The following SPRY3 variants were observed in gnomAD, a reference collection of about 807,000 sequenced individuals.
The protein encoded by SPRY3 is sprouty RTK signaling antagonist 3.
SPRY3 carries 15 observed loss-of-function variants against 20.2 expected under a neutral mutation model. The observed-to-expected ratio is 0.74, with a 90% confidence interval of 0.50 to 1.14. The LOEUF (loss-of-function observed/expected upper bound fraction) is 1.14, where lower values mean the gene tolerates loss of function less well. Among genes scored for constraint, SPRY3 ranks in the 50% most tolerant of loss-of-function variants. SPRY3 has a pLI of 0.00. For missense variants in SPRY3, 364 were observed against 363.9 expected, an observed-to-expected ratio of 1.00 and a Z score of 0.00; for synonymous variants, 143 against 136.5, an observed-to-expected ratio of 1.05 and a Z score of -0.33.
At chrX:155,624,509 T>TTATC (rs782449458) in intron 1 of SPRY3, among the ~76,000 whole-genome samples, 393 of 93,401 alleles carry the variant, frequency 4.2e-3, no homozygotes, top group African/African-American at 0.015. Context: ...TATCATCTAT[T>TTATC]TATCTATCAT....
chrX:155,771,265 C>T (rs1283518788), intron 3 of SPRY3, among the ~76,000 whole-genome samples: 3 of 152,150 alleles, frequency 2.0e-5, no homozygotes, highest in Non-Finnish European at 4.4e-5. Flanking sequence ...ACATAATTCT[C>T]ATTATTGTTT....
intron 3 of SPRY3, among the ~76,000 whole-genome samples, chrX:155,769,198 T>C (rs1442484942): frequency 1.3e-5 from 2 of 152,202 alleles, no homozygotes; most frequent in Non-Finnish European, 2.9e-5. Flanking sequence ...TGTTTTTAGG[T>C]CTCTCTAGCT....
chrX:155,666,641 A>G (rs782738290), intron 2 of SPRY3, among the ~76,000 whole-genome samples: 2 of 111,859 alleles, frequency 1.8e-5, no homozygotes, highest in South Asian at 3.7e-4. Flanking sequence ...ATTGCTAACA[A>G]TGGTAACAAC....
intron 2 of SPRY3, chrX:155,767,720 A>AAGAGGAGAAGGAGGAGAG (rs2091345614): frequency 4.7e-5 from 3 of 64,458 alleles, no homozygotes; most frequent in African/African-American, 1.9e-4. Flanking sequence ...GAGGAGGAGA[A>AAGAGGAGAAGGAGGAGAG]AGAGGAGGAG....
chrX:155,699,096 C>G (rs1438664632), intron 2 of SPRY3, among the ~76,000 whole-genome samples: 1 of 111,894 alleles, frequency 8.9e-6, no homozygotes, highest in Non-Finnish European at 1.9e-5. Context: ...ATAAGACAAA[C>G]AGATTGGAAA....
exon 2 of SPRY3, chrX:155,782,391 C>A (rs1348405704): frequency 6.0e-6 from 1 of 166,912 alleles, no homozygotes; most frequent in African/African-American, 2.4e-5. Flanking sequence ...AGGGCCACTT[C>A]TACCCCCCTA....
chrX:155,741,168 G>A (rs2091202921), intron 2 of SPRY3, among the ~76,000 whole-genome samples: 1 of 152,100 alleles, frequency 6.6e-6, no homozygotes, highest in South Asian at 2.1e-4. Flanking sequence ...ATGACGTGAT[G>A]GAGCTGAAAA....
rs1043397075 is a variant in SPRY3, at chrX:155,691,604, A to G, written c.-282+34579A>G. Among the ~76,000 whole-genome samples, 2 of 88,248 alleles carry G rather than the reference A, an allele frequency of 2.3e-5. 1 individual carries two copies. Among genetic ancestry groups the G allele is most frequent in the Admixed American group, 2.4e-4 (2 of 8,219 alleles). The allele number at this position is 88,248 out of a possible 115,157, so 76.6% of individuals were successfully genotyped here. A position where few individuals can be genotyped will look rare whatever the true frequency, so the allele number is the denominator to read the frequency against. ...AAGAGGGTGTTTGTGTAAAATTAAA[A>G]GAGTGCTGGCAGTGAGCTGCACTTT... On this transcript the variant is annotated intron_variant, in intron 2 of 3. Coordinates refer to ENST00000675360, the Ensembl canonical transcript of SPRY3.
intron 2 of SPRY3, among the ~76,000 whole-genome samples, chrX:155,740,993 A>G (rs2091202095): frequency 6.6e-6 from 1 of 152,134 alleles, no homozygotes; most frequent in Admixed American, 6.6e-5. Context: ...CTTATGGAAA[A>G]TAGAAAGAAC....
At chrX:155,629,616 CCCACCAACAGTGTAAAAGCGTT>C (rs1342073327) in intron 1 of SPRY3, among the ~76,000 whole-genome samples, 3 of 111,699 alleles carry the variant, frequency 2.7e-5, no homozygotes, top group African/African-American at 9.8e-5. Flanking sequence ...AGTTTACAGT[CCCACCAACAGTGTAAAAGCGTT>C]CCTATTTCTC....
At chrX:155,714,437 G>A (rs1183060648) in intron 2 of SPRY3, among the ~76,000 whole-genome samples, 2 of 152,160 alleles carry the variant, frequency 1.3e-5, no homozygotes, top group Non-Finnish European at 2.9e-5. Flanking sequence ...CACCGTGGTG[G>A]TCTTAGATAA....
chrX:155,728,791 C>T (rs1330886729), intron 2 of SPRY3, among the ~76,000 whole-genome samples: 3 of 152,106 alleles, frequency 2.0e-5, no homozygotes, highest in Non-Finnish European at 4.4e-5. Context: ...CCCTGCCCTG[C>T]TTTGACTCGC....
At chrX:155,759,636 T>C (rs2091296587) in intron 2 of SPRY3, among the ~76,000 whole-genome samples, 1 of 152,182 alleles carries the variant, frequency 6.6e-6, no homozygotes, top group Admixed American at 6.5e-5. Flanking sequence ...TCAATATATG[T>C]TTGCTGATTG....
chrX:155,748,166 G>C (rs993446772), intron 2 of SPRY3, among the ~76,000 whole-genome samples: 1 of 151,746 alleles, frequency 6.6e-6, no homozygotes, highest in African/African-American at 2.4e-5. Context: ...TCCTGCTGCT[G>C]GTAAGTACCA....
At chrX:155,682,920 T>C (rs769319646) in intron 2 of SPRY3, among the ~76,000 whole-genome samples, 6 of 111,545 alleles carry the variant, frequency 5.4e-5, no homozygotes, top group African/African-American at 2.0e-4. Context: ...TTGATTCCAA[T>C]CCTCATGATG....
intron 2 of SPRY3, among the ~76,000 whole-genome samples, chrX:155,706,895 C>T (rs1169258943): frequency 6.6e-6 from 1 of 150,990 alleles, no homozygotes; most frequent in Admixed American, 6.6e-5. Context: ...TTGGTACATT[C>T]TCCCAAATAC....
chrX:155,725,706 C>G (rs1469871414), intron 2 of SPRY3, among the ~76,000 whole-genome samples: 1 of 151,948 alleles, frequency 6.6e-6, no homozygotes, highest in Non-Finnish European at 1.5e-5. Context: ...TGATTCTTCT[C>G]TCTTTTCTTC....
chrX:155,750,239 G>T (rs978338142), intron 2 of SPRY3, among the ~76,000 whole-genome samples: 4 of 151,846 alleles, frequency 2.6e-5, no homozygotes, highest in African/African-American at 9.7e-5. Context: ...GGGTACACAT[G>T]AACATAAAGA....
intron 1 of SPRY3, among the ~76,000 whole-genome samples, chrX:155,634,921 G>A (rs1603115957): frequency 9.3e-6 from 1 of 108,096 alleles, no homozygotes. Flanking sequence ...GAGTTCTGGG[G>A]TACATGTGCA....
Sources: gnomAD v4.1 joint callset for allele counts (sites outside exome capture counted in the v4.1 genomes callset) on GRCh38, gnomAD v4.1.1 for gene constraint, MANE v1.5 for transcripts, NCBI Gene and HGNC (gene_info 2026-07-23, HGNC 2026-07-21) for gene names.